SGIP1: variants seen among roughly 807,000 people sequenced by gnomAD.
SGIP1 encodes SH3GL interacting endocytic adaptor 1, also known as SH3-containing GRB2-like protein 3-interacting protein 1.
SGIP1 carries 38 observed loss-of-function variants against 107.5 expected under a neutral mutation model. The ratio of observed to expected loss-of-function variants is 0.35; its 90% CI spans 0.27 to 0.46. The LOEUF is 0.46. Ranked by LOEUF, SGIP1 falls within the 20% of genes least tolerant of loss-of-function variation. SGIP1 has a pLI of 1.00. For synonymous variants in SGIP1, 365 were observed against 366.1 expected (o/e 1.00, Z 0.03); for missense variants, 929 against 1,019.5 (o/e 0.91, Z 1.21).
intron 2 of SGIP1, chr1:66,626,137 CTTTTTTTT>C (rs35959436): frequency 0.18 from 22,085 of 123,754 alleles, 1,611 homozygotes; most frequent in East Asian, 0.47. Flanking sequence ...TTCTTTCTTT[CTTTTTTTT>C]TTTTTTTTTT....
chr1:66,647,421 T>A (rs1371310544), intron 7 of SGIP1, among the ~76,000 whole-genome samples: 5 of 152,200 alleles, frequency 3.3e-5, no homozygotes, highest in African/African-American at 1.2e-4. Flanking sequence ...GAAAATGTAG[T>A]GTTTTGCTAG....
chr1:66,707,223 A>T (rs2092587562), intron 18 of SGIP1, among the ~76,000 whole-genome samples: 1 of 152,120 alleles, frequency 6.6e-6, no homozygotes, highest in Admixed American at 6.6e-5. Flanking sequence ...AGTGTAGAAA[A>T]GCATTTTTTT....
At chr1:66,640,778 T>TA (rs58535961) in intron 5 of SGIP1, among the ~76,000 whole-genome samples, 94,850 of 141,234 alleles carry the variant, frequency 0.67, 32,376 homozygotes, top group East Asian at 0.99. Flanking sequence ...ACACTTGTAT[T>TA]AAAAAAAAAA....
chr1:66,712,578 T>C (rs956166671), intron 18 of SGIP1, among the ~76,000 whole-genome samples: 24 of 152,026 alleles, frequency 1.6e-4, no homozygotes, highest in Admixed American at 1.3e-4. Context: ...CTCTTTCCTC[T>C]TTTTTTTCTA....
At chr1:66,545,496 C>T (rs1044493588) in intron 1 of SGIP1, among the ~76,000 whole-genome samples, 25 of 152,104 alleles carry the variant, frequency 1.6e-4, no homozygotes, top group African/African-American at 6.0e-4. Context: ...GAACATGTTT[C>T]CTCCTCAGGA....
At chr1:66,649,470 G>A (rs766578769) in intron 7 of SGIP1, among the ~76,000 whole-genome samples, 10 of 152,112 alleles carry the variant, frequency 6.6e-5, no homozygotes, top group African/African-American at 9.7e-5. Context: ...TTACAGGGTG[G>A]TTGTTGCCAT....
At position 66,561,535 on chromosome 1, in the gene SGIP1, T is replaced by C. The variant is rs142966819; in HGVS notation, c.10+27167T>C. 1.1e-3 allele frequency among the ~76,000 whole-genome samples: 170 copies of C among 152,188 alleles called. 1 individual carries two copies. The highest frequency in any genetic ancestry group is 4.0e-3 in the African/African-American group (166 of 41,558). On this transcript the variant is annotated intron_variant, in intron 1 of 24. Transcript: ENST00000371037. The stretch of plus-strand genomic sequence containing the variant: ...ATGTTTAAAAGGGTACTAATAAGTA[T>C]TCAATCGAAATTAGAGTCTACAGAG...
intron 1 of SGIP1, among the ~76,000 whole-genome samples, chr1:66,575,602 C>A (rs1037159650): frequency 1.3e-5 from 2 of 152,084 alleles, no homozygotes; most frequent in Non-Finnish European, 2.9e-5. Context: ...TCATGCTGGC[C>A]CACTGGGGTT....
At chr1:66,675,541 C>CTTTTTTTTTTTTTTTTTTTTTTT (rs71242802) in intron 12 of SGIP1, among the ~76,000 whole-genome samples, 4 of 112,392 alleles carry the variant, frequency 3.6e-5, no homozygotes, top group Non-Finnish European at 5.0e-5. Flanking sequence ...CTTTTTCTTT[C>CTTTTTTTTTTTTTTTTTTTTTTT]TTTTTTTTTT....
At chr1:66,682,935 G>GA (rs543274111) in intron 15 of SGIP1, among the ~76,000 whole-genome samples, 378 of 151,334 alleles carry the variant, frequency 2.5e-3, no homozygotes, top group African/African-American at 8.9e-3. Flanking sequence ...AGAAGCAAAA[G>GA]AAAAAAAATG....
intron 21 of SGIP1, among the ~76,000 whole-genome samples, chr1:66,737,140 T>C (rs561395148): frequency 1.3e-5 from 2 of 152,200 alleles, no homozygotes; most frequent in Non-Finnish European, 2.9e-5. Flanking sequence ...TAATTTTTTC[T>C]CTGAATGAGA....
intron 7 of SGIP1, among the ~76,000 whole-genome samples, chr1:66,655,978 A>G (rs2079685115): frequency 6.6e-6 from 1 of 152,194 alleles, no homozygotes; most frequent in African/African-American, 2.4e-5. Context: ...TATAACATTT[A>G]ATGCAAAAAC....
intron 1 of SGIP1, among the ~76,000 whole-genome samples, chr1:66,593,224 TG>T (rs2063988625): frequency 6.6e-6 from 1 of 152,180 alleles, no homozygotes; most frequent in South Asian, 2.1e-4. Context: ...TTTCCAAGTT[TG>T]GGCAAATATA....
At chr1:66,655,989 A>G (rs1228464328) in intron 7 of SGIP1, among the ~76,000 whole-genome samples, 2 of 152,188 alleles carry the variant, frequency 1.3e-5, no homozygotes, top group African/African-American at 4.8e-5. Context: ...ATGCAAAAAC[A>G]TTGTACAGCT....
chr1:66,676,563 A>G (rs781354855), intron 12 of SGIP1, among the ~76,000 whole-genome samples: 2 of 152,184 alleles, frequency 1.3e-5, no homozygotes, highest in South Asian at 2.1e-4. Context: ...GATAGGAACC[A>G]CTGCATAGAA....
At chr1:66,565,311 C>T (rs995164171) in intron 1 of SGIP1, among the ~76,000 whole-genome samples, 1 of 151,980 alleles carries the variant, frequency 6.6e-6, no homozygotes, top group Non-Finnish European at 1.5e-5. Context: ...TATATGGGCT[C>T]TTATTTTTGA....
chr1:66,667,682 C>T (rs2082869404), intron 9 of SGIP1, 141 bp downstream of exon 9: 2 of 742,858 alleles, frequency 2.7e-6, no homozygotes, highest in African/African-American at 1.7e-5. Context: ...GATTGAAAGC[C>T]TCTGACCCTC....
chr1:66,732,696 C>T (rs990787735), intron 20 of SGIP1, among the ~76,000 whole-genome samples: 1 of 152,030 alleles, frequency 6.6e-6, no homozygotes, highest in Admixed American at 6.6e-5. Context: ...CACTTTTTCA[C>T]TGTATCAGCC....
intron 2 of SGIP1, among the ~76,000 whole-genome samples, chr1:66,631,100 A>AAAGAAAG (rs149222467): frequency 0.017 from 2,271 of 130,890 alleles, 34 homozygotes; most frequent in East Asian, 0.034. Context: ...AGAAAGAAAG[A>AAAGAAAG]AAAAAAGAAA....
Sources: allele counts gnomAD v4.1 joint callset (sites outside exome capture counted in the v4.1 genomes callset), GRCh38; gene constraint gnomAD v4.1.1; transcripts MANE v1.5; gene names NCBI Gene and HGNC (gene_info 2026-07-23, HGNC 2026-07-21).